The following ARMC8 variants were observed in gnomAD, a reference collection of about 807,000 sequenced individuals.
The protein encoded by ARMC8 is armadillo repeat-containing protein 8.
ARMC8 carries 20 observed loss-of-function variants against 99.3 expected under a neutral mutation model. The ratio of observed to expected loss-of-function variants is 0.20; its 90% CI spans 0.14 to 0.29. The LOEUF (loss-of-function observed/expected upper bound fraction) is 0.29. Among genes scored for constraint, ARMC8 ranks in the 10% least tolerant of loss-of-function variants. The probability of loss-of-function intolerance (pLI) is 1.00; values close to 1 mark genes in which losing one functional copy is unlikely to be tolerated. For missense variants in ARMC8, 569 were observed against 809.5 expected, an observed-to-expected ratio of 0.70 and a Z score of 3.60; for synonymous variants, 263 against 278.3, an observed-to-expected ratio of 0.95 and a Z score of 0.55.
chr3:138,215,218 T>C (rs2044945178), intron 2 of ARMC8, among the ~76,000 whole-genome samples: 1 of 152,062 alleles, frequency 6.6e-6, no homozygotes, highest in Non-Finnish European at 1.5e-5. Context: ...ATATATCTTT[T>C]CTTTTCTTTT....
Position 138,284,453 on chromosome 3 carries a change from T to C in ARMC8, c.1748T>C (p.Ile583Thr). Residue 583 changes from isoleucine to threonine, a missense_variant, in exon 19 of 22, where the codon ATA (isoleucine) becomes ACA (threonine). Ile to Thr is a moderately conservative substitution (Grantham distance 89). This residue lies in a region of ARMC8 where 227 missense variants were observed against 417.9 expected (regional missense o/e 0.54). Coordinates refer to ENST00000469044, the MANE Select transcript of ARMC8 (RefSeq NM_001363941.2). ...CAGACACTGTGCATCTTAGCCAACA[T>C]AGCGGATGGGACAACAGCAAAAGAT... is the stretch of plus-strand genomic sequence containing the variant. ...KEQTLCILANIADGTTAKDLI... is the reference protein window; with the variant it reads ...KEQTLCILANTADGTTAKDLI... The C allele has an allele frequency of 6.2e-7, 1 of 1,613,662 alleles. No individual in the cohort carries two copies. The highest frequency in any genetic ancestry group is 8.5e-7 in the Non-Finnish European group (1 of 1,179,604).
chr3:138,274,180 T>C (rs979650906), intron 17 of ARMC8, among the ~76,000 whole-genome samples: 9 of 152,084 alleles, frequency 5.9e-5, no homozygotes, highest in African/African-American at 2.2e-4. Flanking sequence ...TGCTTTCATA[T>C]TCTGTCAGGT....
At chr3:138,226,638 G>T (rs1296344385) in intron 5 of ARMC8, among the ~76,000 whole-genome samples, 1 of 152,192 alleles carries the variant, frequency 6.6e-6, no homozygotes, top group African/African-American at 2.4e-5. Context: ...TGTAATGTTT[G>T]CAAAGAGAGT....
At chr3:138,191,120 GTAT>G (rs1183511298) in intron 1 of ARMC8, among the ~76,000 whole-genome samples, 1 of 152,190 alleles carries the variant, frequency 6.6e-6, no homozygotes, top group Non-Finnish European at 1.5e-5. Context: ...CTATCTTGTC[GTAT>G]TAGAGAGTAA....
intron 17 of ARMC8, 64 bp downstream of exon 17, chr3:138,273,180 C>G: frequency 6.8e-7 from 1 of 1,477,616 alleles, no homozygotes; most frequent in Non-Finnish European, 9.2e-7. Context: ...AGACATTGCT[C>G]TCTCTCTGTG....
At chr3:138,259,652 T>A (rs1397620173) in intron 12 of ARMC8, among the ~76,000 whole-genome samples, 1 of 152,152 alleles carries the variant, frequency 6.6e-6, no homozygotes, top group East Asian at 1.9e-4. Flanking sequence ...TCTGTTAGAC[T>A]ATGATCTAAG....
At chr3:138,213,050 C>A (rs1015837357) in intron 2 of ARMC8, among the ~76,000 whole-genome samples, 1 of 152,174 alleles carries the variant, frequency 6.6e-6, no homozygotes, top group African/African-American at 2.4e-5. Flanking sequence ...AGGAAGATTG[C>A]TGGAGCCTAG....
intron 1 of ARMC8, among the ~76,000 whole-genome samples, chr3:138,196,897 A>T (rs1032557148): frequency 1.3e-5 from 2 of 152,170 alleles, no homozygotes; most frequent in Non-Finnish European, 2.9e-5. Context: ...GTCATTTAAA[A>T]TCATTTTGGA....
intron 2 of ARMC8, among the ~76,000 whole-genome samples, chr3:138,221,427 G>T (rs1192334002): frequency 6.6e-6 from 1 of 151,738 alleles, no homozygotes; most frequent in Non-Finnish European, 1.5e-5. Context: ...AAGATGCATT[G>T]GAAAATAACA....
intron 18 of ARMC8, among the ~76,000 whole-genome samples, chr3:138,276,657 AC>A (rs1202844246): frequency 6.6e-6 from 1 of 152,068 alleles, no homozygotes; most frequent in African/African-American, 2.4e-5. Flanking sequence ...GAGATATTAA[AC>A]AGTACCATTT....
intron 2 of ARMC8, among the ~76,000 whole-genome samples, chr3:138,210,160 G>C (rs941857990): frequency 6.6e-6 from 1 of 152,098 alleles, no homozygotes; most frequent in Admixed American, 6.5e-5. Flanking sequence ...GAATGCTTTT[G>C]CTTCTTTAAT....
At chr3:138,198,828 T>C (rs1474866872) in intron 1 of ARMC8, among the ~76,000 whole-genome samples, 2 of 152,268 alleles carry the variant, frequency 1.3e-5, no homozygotes, top group South Asian at 2.1e-4. Flanking sequence ...CCTTATATTT[T>C]AGAGTTTTTT....
intron 12 of ARMC8, among the ~76,000 whole-genome samples, chr3:138,254,507 G>C (rs1017899218): frequency 6.6e-6 from 1 of 152,212 alleles, no homozygotes. Flanking sequence ...CAAACAGGAG[G>C]AGACAGATGG....
At chr3:138,188,620 A>C in intron 1 of ARMC8, 1 of 1,512,330 alleles carries the variant, frequency 6.6e-7, no homozygotes, top group South Asian at 1.1e-5. Flanking sequence ...AGCCAGTCTG[A>C]TACTGAGAGG....
At chr3:138,222,055 T>A in intron 3 of ARMC8, 58 bp downstream of exon 3, 1 of 1,331,352 alleles carries the variant, frequency 7.5e-7, no homozygotes, top group African/African-American at 1.4e-5. Flanking sequence ...ATGTATTTCT[T>A]ACTCTCAATT....
intron 1 of ARMC8, among the ~76,000 whole-genome samples, chr3:138,191,654 C>T (rs557187928): frequency 2.6e-5 from 4 of 152,294 alleles, no homozygotes; most frequent in Admixed American, 2.0e-4. Flanking sequence ...ACCTACCCAG[C>T]CTCTCCCCGC....
chr3:138,203,357 A>G (rs2044183421), intron 1 of ARMC8, among the ~76,000 whole-genome samples: 1 of 152,228 alleles, frequency 6.6e-6, no homozygotes, highest in Non-Finnish European at 1.5e-5. Flanking sequence ...AGTAATACAA[A>G]TGTGGCCTAG....
chr3:138,287,788 G>GA (rs2108373891), intron 19 of ARMC8: 1 of 403,556 alleles, frequency 2.5e-6, no homozygotes, highest in African/African-American at 2.1e-5. Context: ...TCTTAGCCTT[G>GA]AAAAAACCAT....
chr3:138,267,331 G>A (rs999843020), intron 15 of ARMC8, 90 bp downstream of exon 15: 6 of 757,726 alleles, frequency 7.9e-6, no homozygotes, highest in African/African-American at 3.6e-5. Flanking sequence ...TGAAATCTGT[G>A]GGTTGGGTTT....
Sources: gnomAD v4.1 joint callset for allele counts (sites outside exome capture counted in the v4.1 genomes callset) on GRCh38, gnomAD v4.1.1 for gene constraint, gnomAD v4.1.1 regional missense constraint, MANE v1.5 for transcripts, NCBI Gene and HGNC (gene_info 2026-07-23, HGNC 2026-07-21) for gene names.